The following SVIL variants were observed in gnomAD, a reference collection of about 807,000 sequenced individuals.
The protein encoded by SVIL is archvillin.
A neutral mutation model predicts 240.4 loss-of-function variants in SVIL; 101 were observed. The observed-to-expected ratio is 0.42, with a 90% CI of 0.36 to 0.50. SVIL has a LOEUF of 0.50. SVIL is among the 20% of genes least tolerant of loss of function. The pLI, the probability that SVIL is intolerant of heterozygous loss-of-function variation, is 0.01. For synonymous variants in SVIL, 999 were observed against 1,100.0 expected (o/e 0.91, Z 1.82); for missense variants, 2,512 against 2,818.7 (o/e 0.89, Z 2.46).
chr10:29,509,330 GGA>G lies in SVIL; in HGVS notation c.3516+3403_3516+3404del, dbSNP rs66616602. ...GAGAGAAAGGGAGAAGGAGGGGGAG[GGA>G]GAGAGAGAGAGAGAGAGAGAGAGAG... On this transcript the variant is annotated intron_variant, in intron 17 of 37. Transcript: ENST00000355867. Among the ~76,000 whole-genome samples, 593 of 66,862 alleles carry G rather than the reference GGA, an allele frequency of 8.9e-3. 4 individuals are homozygous for G. The highest frequency in any genetic ancestry group is 0.019 in the African/African-American group (397 of 20,540). 43.9% of individuals were successfully genotyped at this position (66,862 alleles called of 152,430 possible). A position where few individuals can be genotyped will look rare whatever the true frequency, so the allele number is the denominator to read the frequency against.
intron 2 of SVIL, among the ~76,000 whole-genome samples, chr10:29,683,147 G>T (rs1265959089): frequency 1.3e-5 from 2 of 152,176 alleles, no homozygotes; most frequent in Non-Finnish European, 2.9e-5. Context: ...CCAGAAAAGT[G>T]GGACAACTGG....
intron 1 of SVIL, among the ~76,000 whole-genome samples, chr10:29,611,146 A>G (rs1000560498): frequency 6.6e-6 from 1 of 152,146 alleles, no homozygotes; most frequent in Non-Finnish European, 1.5e-5. Context: ...TCAGTCAAGT[A>G]TCCTCACTGG....
intron 1 of SVIL, among the ~76,000 whole-genome samples, chr10:29,613,508 AT>A (rs1330706560): frequency 2.6e-5 from 4 of 151,364 alleles, no homozygotes; most frequent in East Asian, 3.9e-4. Context: ...ACTTAAAAAA[AT>A]TTTTTTTTGT....
chr10:29,490,183 C>T (rs1392720462), intron 22 of SVIL, among the ~76,000 whole-genome samples: 6 of 152,002 alleles, frequency 3.9e-5, no homozygotes, highest in African/African-American at 1.2e-4. Flanking sequence ...ATCCCAACTC[C>T]GAGAAGCTCA....
intron 1 of SVIL, among the ~76,000 whole-genome samples, chr10:29,706,815 A>G (rs1962920836): frequency 6.6e-6 from 1 of 152,178 alleles, no homozygotes; most frequent in Non-Finnish European, 1.5e-5. Flanking sequence ...TAATCTTTGT[A>G]TAAGGTGTAA....
chr10:29,523,777 T>A lies in SVIL; in HGVS notation c.2837A>T (p.Glu946Val). The A allele has an allele frequency of 6.2e-7, 1 of 1,614,206 alleles. No individual in the cohort carries two copies. The highest frequency in any genetic ancestry group is 8.5e-7 in the Non-Finnish European group (1 of 1,180,042). The change falls in exon 15 of 38, where the codon GAA becomes GTA. Residue 946 changes from glutamate (E) to valine (V), a missense_variant. Transcript: ENST00000355867. ...EGSENKGMLR[E>V]YGETESKRAL... is the part of the protein sequence containing the mutation. ...TCTCTTGCTTTCTGTCTCTCCATAT[T>A]CTCTCAACATTCCCTTGTTCTCGCT...
intron 16 of SVIL, among the ~76,000 whole-genome samples, chr10:29,516,395 A>G (rs1187880361): frequency 2.0e-5 from 3 of 152,050 alleles, no homozygotes; most frequent in African/African-American, 7.2e-5. Context: ...ACGCACTAAA[A>G]CTTGAGTGTG....
intron 1 of SVIL, among the ~76,000 whole-genome samples, chr10:29,689,673 T>A (rs1328501918): frequency 1.3e-5 from 2 of 152,236 alleles, no homozygotes; most frequent in Non-Finnish European, 2.9e-5. Flanking sequence ...CCCAAATCCC[T>A]ACAAATGATG....
intron 1 of SVIL, among the ~76,000 whole-genome samples, chr10:29,630,608 A>G (rs920164460): frequency 6.6e-6 from 1 of 152,140 alleles, no homozygotes; most frequent in Non-Finnish European, 1.5e-5. Context: ...GCAAAGTTCC[A>G]ATAATGAAGT....
rs566497198 is a variant in SVIL at position 29,589,978 on chromosome 10, C to T, written c.-200-20666G>A. Among the ~76,000 whole-genome samples, 5 of 151,678 alleles carry T rather than the reference C, an allele frequency of 3.3e-5. 1 individual carries two copies. The South Asian group carries it at 1.0e-3, about 32-fold the overall frequency. ...GGTCAGGAGTGAAGACCAGCCTGGC[C>T]AAGATGGTGAAACCCCGTCTCTACT... On this transcript the variant is annotated intron_variant, in intron 1 of 37. Transcript: ENST00000355867.
intron 2 of SVIL, among the ~76,000 whole-genome samples, chr10:29,658,290 G>T (rs1207047317): frequency 3.9e-5 from 6 of 152,148 alleles, no homozygotes; most frequent in Non-Finnish European, 7.4e-5. Flanking sequence ...CTCAATAAAA[G>T]AATGCATTTT....
intron 1 of SVIL, among the ~76,000 whole-genome samples, chr10:29,570,482 C>T (rs1455177653): frequency 1.3e-5 from 2 of 152,188 alleles, no homozygotes; most frequent in African/African-American, 2.4e-5. Flanking sequence ...CATGCCACAC[C>T]ACTTCAGTAG....
At chr10:29,564,114 G>GTGTCAATATTGACA (rs1337860816) in intron 2 of SVIL, among the ~76,000 whole-genome samples, 1 of 152,100 alleles carries the variant, frequency 6.6e-6, no homozygotes, top group Admixed American at 6.6e-5. Flanking sequence ...ATATTGACTG[G>GTGTCAATATTGACA]TGGTGTCAAC....
chr10:29,723,482 T>C (rs1964107018), intron 1 of SVIL, among the ~76,000 whole-genome samples: 1 of 152,176 alleles, frequency 6.6e-6, no homozygotes, highest in Non-Finnish European at 1.5e-5. Flanking sequence ...CTTTCGGTAT[T>C]CACTGTTAAG....
intron 29 of SVIL, among the ~76,000 whole-genome samples, chr10:29,478,052 CT>C (rs1240105542): frequency 6.6e-6 from 1 of 152,156 alleles, no homozygotes; most frequent in African/African-American, 2.4e-5. Flanking sequence ...CACGATTTCC[CT>C]TTTTGCATTT....
intron 15 of SVIL, among the ~76,000 whole-genome samples, chr10:29,522,933 C>G (rs1950657105): frequency 6.6e-6 from 1 of 152,186 alleles, no homozygotes; most frequent in Non-Finnish European, 1.5e-5. Flanking sequence ...AAAATAATAC[C>G]TTAACATTCA....
intron 1 of SVIL, among the ~76,000 whole-genome samples, chr10:29,718,889 T>A (rs1420278360): frequency 6.6e-6 from 1 of 152,116 alleles, no homozygotes; most frequent in Non-Finnish European, 1.5e-5. Context: ...GTGGGCAGTT[T>A]ACCTGAGGTC....
intron 1 of SVIL, among the ~76,000 whole-genome samples, chr10:29,589,390 G>A (rs1239169113): frequency 6.6e-6 from 1 of 152,130 alleles, no homozygotes; most frequent in Non-Finnish European, 1.5e-5. Flanking sequence ...AGCGGCTCTG[G>A]GCCCCCTGTA....
At chr10:29,717,622 T>A (rs1963709949) in intron 1 of SVIL, among the ~76,000 whole-genome samples, 1 of 152,224 alleles carries the variant, frequency 6.6e-6, no homozygotes, top group African/African-American at 2.4e-5. Flanking sequence ...TGAGCTGGCA[T>A]AAGAGTTAGT....
Sources: gnomAD v4.1 joint callset for allele counts (sites outside exome capture counted in the v4.1 genomes callset) on GRCh38, gnomAD v4.1.1 for gene constraint, MANE v1.5 for transcripts, NCBI Gene and HGNC (gene_info 2026-07-23, HGNC 2026-07-21) for gene names.